The following SLC37A3 variants were observed in gnomAD, a reference collection of about 807,000 sequenced individuals.
SLC37A3 encodes the protein sugar phosphate exchanger 3.
A neutral mutation model predicts 67.1 loss-of-function variants in SLC37A3; 51 were observed. The ratio of observed to expected loss-of-function variants is 0.76; its 90% CI spans 0.61 to 0.96. The LOEUF (loss-of-function observed/expected upper bound fraction) is 0.96, where lower values mean the gene tolerates loss of function less well. Among genes scored for constraint, SLC37A3 ranks in the 40% least tolerant of loss-of-function variants. The pLI, the probability that SLC37A3 is intolerant of heterozygous loss-of-function variation, is 0.00. For missense variants in SLC37A3, 508 were observed against 603.0 expected, an observed-to-expected ratio of 0.84 and a Z score of 1.65; for synonymous variants, 214 against 231.4, an observed-to-expected ratio of 0.92 and a Z score of 0.68.
chr7:140,346,854 C>T (rs1405428732), intron 10 of SLC37A3, among the ~76,000 whole-genome samples: 1 of 151,060 alleles, frequency 6.6e-6, no homozygotes, highest in African/African-American at 2.4e-5. Flanking sequence ...TATCGTGCTG[C>T]TTGAACCCAG....
intron 7 of SLC37A3, 143 bp from the exon 8 acceptor site, chr7:140,352,289 T>C: frequency 2.9e-6 from 2 of 685,206 alleles, no homozygotes; most frequent in Non-Finnish European, 5.0e-6. Flanking sequence ...CCAGAGCTTC[T>C]ACTGGGCCGG....
At chr7:140,369,429 G>T (rs1585326056) in intron 4 of SLC37A3, among the ~76,000 whole-genome samples, 161 bp downstream of exon 4, 1 of 152,170 alleles carries the variant, frequency 6.6e-6, no homozygotes, top group African/African-American at 2.4e-5. Flanking sequence ...TCTGTCGAAT[G>T]AATGAATAAA....
chr7:140,364,947 T>C (rs1398979073), intron 4 of SLC37A3, among the ~76,000 whole-genome samples: 3 of 152,248 alleles, frequency 2.0e-5, no homozygotes, highest in Admixed American at 6.5e-5. Context: ...CTTAGCCATC[T>C]GCACTCTGGG....
intron 10 of SLC37A3, among the ~76,000 whole-genome samples, chr7:140,346,884 G>A (rs1796582973): frequency 2.6e-5 from 4 of 151,732 alleles, no homozygotes; most frequent in Admixed American, 2.6e-4. Context: ...GCTACAGTGA[G>A]CTGTATTGTG....
chr7:140,395,565 A>T (rs780625871), intron 1 of SLC37A3, among the ~76,000 whole-genome samples: 17 of 151,576 alleles, frequency 1.1e-4, no homozygotes, highest in Middle Eastern at 3.2e-3. Flanking sequence ...AAAATTGGCC[A>T]GGTGTGGTGG....
At position 140,345,876 on chromosome 7, in the gene SLC37A3, C is replaced by A. The variant is rs1217876795; in HGVS notation, c.1119G>T (p.Gly373=). The change falls in exon 11 of 15, where the codon GGG becomes GGT. Residue 373 remains glycine (G), a synonymous_variant. Coordinates refer to ENST00000326232, the MANE Select transcript of SLC37A3 (RefSeq NM_207113.3). ...SLLLAVGSLI[G]YSRSPNDKSI... is the part of the protein sequence containing the mutation. ...TTGCAAAAGAATACTCACGACTATA[C>A]CCGATGAGGGACCCAACTGCCAGAA... 3 of 1,612,506 alleles carry A rather than the reference C, an allele frequency of 1.9e-6. No homozygotes were observed. Among genetic ancestry groups the A allele is most frequent in the Non-Finnish European group, 2.5e-6 (3 of 1,178,644 alleles).
chr7:140,394,648 G>C (rs1223340378), intron 1 of SLC37A3, among the ~76,000 whole-genome samples: 1 of 146,336 alleles, frequency 6.8e-6, no homozygotes, highest in Non-Finnish European at 1.5e-5. Context: ...TCGCTCTGTC[G>C]CCCAGGCTGG....
rs1161481214 is a variant in SLC37A3 at position 140,362,887 on chromosome 7, G to A, written c.375+1521C>T. Among the ~76,000 whole-genome samples, 8 of 55,816 alleles carry A rather than the reference G, an allele frequency of 1.4e-4. 1 individual carries two copies. Among genetic ancestry groups the A allele is most frequent in the African/African-American group, 4.7e-4 (7 of 14,954 alleles). 36.6% of individuals were successfully genotyped at this position (55,816 alleles called of 152,430 possible). A position where few individuals can be genotyped will look rare whatever the true frequency, so the allele number is the denominator to read the frequency against. On this transcript the variant is annotated intron_variant, in intron 5 of 14. Coordinates refer to ENST00000326232, the MANE Select transcript of SLC37A3 (RefSeq NM_207113.3). The stretch of plus-strand genomic sequence containing the variant: ...GCCCCTCTGCCCGGCCAGCCGCCCC[G>A]TCCGGGAGGGAGGCGGGGGGGGGGG...
At position 140,348,608 on chromosome 7, in the gene SLC37A3, G is replaced by A; in HGVS notation, c.1024+18C>T. Reference sequence around the variant, plus strand: ...GTGACTAACTCTTTATTATGGAAAAGATGTATCACCGGCATACCTATGATC... The same window carrying A: ...GTGACTAACTCTTTATTATGGAAAAAATGTATCACCGGCATACCTATGATC... On this transcript the variant is annotated intron_variant, in intron 10 of 14. Transcript: ENST00000326232. 2 of 1,588,786 alleles carry A rather than the reference G, an allele frequency of 1.3e-6. No individual in the cohort carries two copies. Among genetic ancestry groups the A allele is most frequent in the Non-Finnish European group, 8.5e-7 (1 of 1,171,688 alleles).
At chr7:140,341,145 CT>C (rs1796346928) in intron 13 of SLC37A3, among the ~76,000 whole-genome samples, 1 of 152,126 alleles carries the variant, frequency 6.6e-6, no homozygotes, top group Non-Finnish European at 1.5e-5. Flanking sequence ...GTTGCTTGGG[CT>C]GGTCTTGAAC....
intron 1 of SLC37A3, among the ~76,000 whole-genome samples, chr7:140,390,779 C>T (rs1286444529): frequency 6.6e-6 from 1 of 152,178 alleles, no homozygotes; most frequent in Non-Finnish European, 1.5e-5. Flanking sequence ...CTTCTACTTC[C>T]TTTCCTTGCA....
intron 5 of SLC37A3, among the ~76,000 whole-genome samples, chr7:140,361,963 A>G (rs1303174274): frequency 8.8e-5 from 12 of 136,752 alleles, no homozygotes; most frequent in South Asian, 5.2e-4. Flanking sequence ...GCCTCTGCCC[A>G]GCCGCCACCC....
rs375710318 is a variant in SLC37A3 at position 140,359,320 on chromosome 7, G to A, written c.376-535C>T. 1.4e-3 allele frequency among the ~76,000 whole-genome samples: 205 copies of A among 150,586 alleles called. 1 individual carries two copies. The highest frequency in any genetic ancestry group is 4.6e-3 in the African/African-American group (188 of 41,016). On this transcript the variant is annotated intron_variant, in intron 5 of 14. Coordinates refer to ENST00000326232, the MANE Select transcript of SLC37A3 (RefSeq NM_207113.3). ...ATCGTGCCACTGCACTCCAGCCTGCGCGGGAGTGCGAGACTCTGTCTCAAA... is the reference window on the plus strand; with the variant it reads ...ATCGTGCCACTGCACTCCAGCCTGCACGGGAGTGCGAGACTCTGTCTCAAA...
intron 5 of SLC37A3, among the ~76,000 whole-genome samples, chr7:140,363,705 TAAAA>T (rs78815725): frequency 0.56 from 50,805 of 90,548 alleles, 10,268 homozygotes; most frequent in Middle Eastern, 0.58. Flanking sequence ...AAAAAATAAA[TAAAA>T]AAATAAAAAA....
chr7:140,362,262 A>G (rs1797346311), intron 5 of SLC37A3, among the ~76,000 whole-genome samples: 1 of 137,028 alleles, frequency 7.3e-6, no homozygotes, highest in Non-Finnish European at 1.6e-5. Flanking sequence ...GGAGGTGAGG[A>G]GCGTCTCTGC....
At chr7:140,377,287 A>G (rs1798072542) in intron 3 of SLC37A3, among the ~76,000 whole-genome samples, 1 of 150,622 alleles carries the variant, frequency 6.6e-6, no homozygotes, top group Admixed American at 6.6e-5. Flanking sequence ...CTAGTCTCAA[A>G]CTCCTGGGCT....
At chr7:140,342,145 A>G (rs1234775490) in intron 13 of SLC37A3, among the ~76,000 whole-genome samples, 1 of 152,208 alleles carries the variant, frequency 6.6e-6, no homozygotes, top group Admixed American at 6.5e-5. Flanking sequence ...TGGGAGAGAC[A>G]GACATTAACA....
At chr7:140,352,895 C>G (rs1796870694) in intron 7 of SLC37A3, among the ~76,000 whole-genome samples, 1 of 152,096 alleles carries the variant, frequency 6.6e-6, no homozygotes, top group African/African-American at 2.4e-5. Flanking sequence ...AATTTTTAAA[C>G]CGATGAGTGA....
rs1798296438 is a variant in SLC37A3 at position 140,382,472 on chromosome 7, G to A, written c.55C>T (p.His19Tyr). 6.2e-7 allele frequency: 1 copy of A among 1,614,162 alleles called. No homozygotes were observed. Among genetic ancestry groups the A allele is most frequent in the Non-Finnish European group, 8.5e-7 (1 of 1,180,004 alleles). The change falls in exon 2 of 15, where the codon CAT (histidine) becomes TAT (tyrosine). Residue 19 changes from histidine (H) to tyrosine (Y), a missense_variant. By Grantham distance (83) the His-to-Tyr change is moderately conservative. Transcript: ENST00000326232. ...GTGAGCAGGAACACTACAACATGAT[G>A]ATGGCTGAACTGGGACAGCAGAGAC... The part of the protein sequence containing the change: ...RGSLLSQFSH[H>Y]HVVVFLLTFF...
Sources: gnomAD v4.1 joint callset for allele counts (sites outside exome capture counted in the v4.1 genomes callset) on GRCh38, gnomAD v4.1.1 for gene constraint, MANE v1.5 for transcripts, NCBI Gene and HGNC (gene_info 2026-07-23, HGNC 2026-07-21) for gene names.